SLC12A2: variants seen among roughly 807,000 people sequenced by gnomAD.
SLC12A2 encodes solute carrier family 12 member 2.
A neutral mutation model predicts 136.3 loss-of-function variants in SLC12A2; 67 were observed. That is an observed-to-expected ratio of 0.49 (90% CI 0.40 to 0.60). The LOEUF is 0.60. Ranked by LOEUF, SLC12A2 falls within the 20% of genes least tolerant of loss-of-function variation. The pLI, the probability that SLC12A2 is intolerant of heterozygous loss-of-function variation, is 0.00. For synonymous variants in SLC12A2, 619 were observed against 562.9 expected (o/e 1.10, Z -1.41); for missense variants, 1,322 against 1,534.7 (o/e 0.86, Z 2.32).
At chr5:128,094,593 A>G (rs1452272238) in intron 1 of SLC12A2, among the ~76,000 whole-genome samples, 1 of 151,808 alleles carries the variant, frequency 6.6e-6, no homozygotes, top group Non-Finnish European at 1.5e-5. Flanking sequence ...TTTTATATCC[A>G]TTGAATATAA....
chr5:128,092,117 C>T (rs184861979), intron 1 of SLC12A2, among the ~76,000 whole-genome samples: 2 of 152,266 alleles, frequency 1.3e-5, no homozygotes, highest in African/African-American at 4.8e-5. Flanking sequence ...TTCCCACAGA[C>T]TTCTCCATTA....
At position 128,106,549 on chromosome 5, in the gene SLC12A2, T is replaced by C. The variant is rs1031075392; in HGVS notation, c.757-6265T>C. ...TAATTGAACTACAAATAAAAAGTTATTTGCTTTTGACTTTTGAATTTTATT... is the reference window on the plus strand; with the variant it reads ...TAATTGAACTACAAATAAAAAGTTACTTGCTTTTGACTTTTGAATTTTATT... On this transcript the variant is annotated intron_variant, in intron 1 of 26. Coordinates refer to ENST00000262461, the MANE Select transcript of SLC12A2 (RefSeq NM_001046.3). 3.9e-5 allele frequency among the ~76,000 whole-genome samples: 6 copies of C among 152,304 alleles called. No individual in the cohort carries two copies. The South Asian group carries it at 1.2e-3, about 32-fold the overall frequency.
chr5:128,144,320 G>GA (rs1407658733), intron 10 of SLC12A2, among the ~76,000 whole-genome samples: 1 of 152,102 alleles, frequency 6.6e-6, no homozygotes, highest in Non-Finnish European at 1.5e-5. Context: ...CAACATGAGG[G>GA]AAAATCTTGT....
chr5:128,084,250 C>T lies in SLC12A2; in HGVS notation c.296C>T (p.Ala99Val). The part of the protein sequence containing the change: ...NAGRAAAAAA[A>V]AAAAAAAAGA... ...GGGCGGGCCGCTGCTGCGGCGGCGGCGGCGGCGGCGGCAGCGGCGGCGGCT... is the reference window on the plus strand; with the variant it reads ...GGGCGGGCCGCTGCTGCGGCGGCGGTGGCGGCGGCGGCAGCGGCGGCGGCT... The change falls in exon 1 of 27, where the codon GCG becomes GTG. Residue 99 changes from alanine (A) to valine (V), a missense_variant. Transcript: ENST00000262461. This position sits in a 1 kb window ranked among gnomAD's most constrained non-coding sequence, Gnocchi z 5.6. 2 of 1,237,354 alleles carry T rather than the reference C, an allele frequency of 1.6e-6. No homozygotes were observed. The highest frequency in any genetic ancestry group is 2.0e-6 in the Non-Finnish European group (2 of 986,078). 76.6% of individuals were successfully genotyped at this position (1,237,354 alleles called of 1,614,324 possible). A position where few individuals can be genotyped will look rare whatever the true frequency, so the allele number is the denominator to read the frequency against.
At chr5:128,134,342 C>A in intron 6 of SLC12A2, 67 bp downstream of exon 6, 2 of 840,880 alleles carry the variant, frequency 2.4e-6, no homozygotes, top group African/African-American at 1.7e-5. Context: ...GTTTTGGGAA[C>A]ACTCTGAAGT....
intron 1 of SLC12A2, chr5:128,110,098 G>A: frequency 1.1e-6 from 1 of 946,038 alleles, no homozygotes. Context: ...AAGTCTCATG[G>A]TGAACATGTA....
chr5:128,183,042 C>T, intron 24 of SLC12A2, 101 bp downstream of exon 24: 3 of 633,650 alleles, frequency 4.7e-6, no homozygotes, highest in Non-Finnish European at 8.1e-6. Flanking sequence ...TTGTTAGTTA[C>T]ATGTGAAGTC....
At chr5:128,096,158 T>G (rs192240755) in intron 1 of SLC12A2, among the ~76,000 whole-genome samples, 280 of 152,162 alleles carry the variant, frequency 1.8e-3, no homozygotes, top group Non-Finnish European at 2.9e-3. Flanking sequence ...CACTGGATAT[T>G]AGGAAAGGTA....
chr5:128,136,631 C>T (rs997592581), intron 7 of SLC12A2, among the ~76,000 whole-genome samples: 1 of 152,032 alleles, frequency 6.6e-6, no homozygotes, highest in Admixed American at 6.6e-5. Context: ...TTCTCTTAGT[C>T]ATTCCTTCTC....
At chr5:128,154,934 A>C (rs909894878) in intron 15 of SLC12A2, among the ~76,000 whole-genome samples, 2 of 151,840 alleles carry the variant, frequency 1.3e-5, no homozygotes, top group African/African-American at 4.8e-5. Flanking sequence ...TCTTTCCTTA[A>C]GAACTTTCAC....
At chr5:128,165,166 A>G (rs1315505751) in intron 17 of SLC12A2, among the ~76,000 whole-genome samples, 1 of 152,156 alleles carries the variant, frequency 6.6e-6, no homozygotes, top group Non-Finnish European at 1.5e-5. Flanking sequence ...TTTAAAAAAG[A>G]GACAATCTTA....
chr5:128,175,141 G>C (rs534502923), intron 20 of SLC12A2, among the ~76,000 whole-genome samples: 1 of 152,062 alleles, frequency 6.6e-6, no homozygotes, highest in South Asian at 2.1e-4. Flanking sequence ...CCTATTCCCA[G>C]CTGACACGCA....
At chr5:128,132,900 A>G (rs925515961) in intron 5 of SLC12A2, among the ~76,000 whole-genome samples, 6 of 152,160 alleles carry the variant, frequency 3.9e-5, no homozygotes, top group Non-Finnish European at 7.4e-5. Context: ...ATTAGGGTTT[A>G]TACATGTTTT....
intron 23 of SLC12A2, 51 bp downstream of exon 23, chr5:128,181,045 ACAGT>A: frequency 2.8e-6 from 3 of 1,055,870 alleles, no homozygotes; most frequent in Non-Finnish European, 4.4e-6. Context: ...CTTCATTGCT[ACAGT>A]ATAAATTTGA....
intron 2 of SLC12A2, among the ~76,000 whole-genome samples, 173 bp from the exon 3 acceptor site, chr5:128,114,039 T>C (rs1325141615): frequency 6.6e-6 from 1 of 152,208 alleles, no homozygotes; most frequent in East Asian, 1.9e-4. Flanking sequence ...AGTAAGCTCT[T>C]TTAAGCTCTT....
In SLC12A2 at chr5:128,158,428, C is replaced by T. The variant is rs1219405008; in HGVS notation, c.2475+264C>T. Among the ~76,000 whole-genome samples, 3 of 152,256 alleles carry T rather than the reference C, an allele frequency of 2.0e-5. No individual in the cohort carries two copies. The East Asian group carries it at 5.8e-4, about 29-fold the overall frequency. ...CCATATGTACTTAATGTTTAGCTCC[C>T]ACTTAGAAGTGTGAACATGTGGTAT... On this transcript the variant is annotated intron_variant, in intron 16 of 26. Coordinates refer to ENST00000262461, the MANE Select transcript of SLC12A2 (RefSeq NM_001046.3).
At chr5:128,143,315 A>G (rs545337495) in intron 10 of SLC12A2, among the ~76,000 whole-genome samples, 1 of 152,270 alleles carries the variant, frequency 6.6e-6, no homozygotes, top group Admixed American at 6.5e-5. Flanking sequence ...TAGTAGTGTT[A>G]CTTTATTAGA....
In SLC12A2 at chr5:128,118,225, A is replaced by G. The variant is rs1581079322; in HGVS notation, c.1048+3544A>G. ...AGTCTTCCTGCTGGGTAATCTACCC[A>G]AACAAAGGAAAATAAGTCATTATAT... is the stretch of plus-strand genomic sequence containing the variant. On this transcript the variant is annotated intron_variant, in intron 4 of 26. Coordinates refer to ENST00000262461, the MANE Select transcript of SLC12A2 (RefSeq NM_001046.3). 2.0e-5 allele frequency among the ~76,000 whole-genome samples: 3 copies of G among 152,188 alleles called. No individual in the cohort carries two copies. In the East Asian group the frequency reaches 5.8e-4, roughly 29 times the overall value.
rs370334796 is a variant in SLC12A2, at chr5:128,084,483, A to G, written c.529A>G (p.Thr177Ala). The G allele has an allele frequency of 1.2e-6, 2 of 1,609,432 alleles. No homozygotes were observed. The highest frequency in any genetic ancestry group is 2.2e-5 in the East Asian group (1 of 44,780). Residue 177 changes from threonine to alanine, a missense_variant, in exon 1 of 27, where the codon ACG becomes GCG. Transcript: ENST00000262461. The surrounding 1 kb of genome is among the most constrained non-coding windows in gnomAD (Gnocchi z 5.6). ...PNVSFQNGGD[T>A]VLSEGSSLHS... is the part of the protein sequence containing the mutation. ...CGTGAGCTTCCAGAACGGCGGGGAC[A>G]CGGTGCTGAGCGAGGGCAGCAGCCT...
Sources: allele counts gnomAD v4.1 joint callset (sites outside exome capture counted in the v4.1 genomes callset), GRCh38; gene constraint gnomAD v4.1.1; non-coding constraint Gnocchi (gnomAD v3.1); transcripts MANE v1.5; gene names NCBI Gene and HGNC (gene_info 2026-07-23, HGNC 2026-07-21).